Variants in NFRKB observed in about 807,000 individuals in gnomAD.
The protein encoded by NFRKB is nuclear factor related to kappaB binding protein, also known as nuclear factor related to kappa-B-binding protein.
Under a neutral mutation model 135.7 loss-of-function variants are expected in NFRKB, and 62 were observed. That is an observed-to-expected ratio of 0.46 (90% CI 0.37 to 0.56). NFRKB has a LOEUF of 0.56. Ranked by LOEUF, NFRKB falls within the 20% of genes least tolerant of loss-of-function variation. NFRKB has a pLI of 0.00. For synonymous variants in NFRKB, 678 were observed against 635.6 expected (o/e 1.07, Z -1.00); for missense variants, 1,545 against 1,662.0 (o/e 0.93, Z 1.22).
At chr11:129,884,663 C>G in intron 7 of NFRKB, 82 bp downstream of exon 7, 2 of 1,487,676 alleles carry the variant, frequency 1.3e-6, no homozygotes, top group East Asian at 2.3e-5. Flanking sequence ...AGGAATCTGC[C>G]CCCACCCACC....
rs373731575 is a variant in NFRKB at position 129,869,764 on chromosome 11, C to A, written c.3261G>T (p.Thr1087=). The stretch of plus-strand genomic sequence containing the variant: ...CTCCCAGTCCCTGCACGATGCGGAT[C>A]GTGGCAGCTGGTTTTGCTTCTGAAG... ...VASSEAKPAA[T]IRIVQGLGVM... is the part of the protein sequence containing the mutation. The change falls in exon 24 of 27, where the codon ACG becomes ACT. Residue 1087 remains threonine (T), a synonymous_variant. Transcript: ENST00000682444. 1 of 1,614,134 alleles carries A rather than the reference C, an allele frequency of 6.2e-7. No individual in the cohort carries two copies. The highest frequency in any genetic ancestry group is 8.5e-7 in the Non-Finnish European group (1 of 1,180,056).
chr11:129,869,384 T>G, intron 24 of NFRKB, 110 bp downstream of exon 24: 3 of 1,279,402 alleles, frequency 2.3e-6, no homozygotes, highest in Non-Finnish European at 3.2e-6. Context: ...TAATTTCCAC[T>G]CCTAAAAAGA....
chr11:129,865,112 A>G lies in NFRKB; in HGVS notation c.3639-11T>C. The G allele has an allele frequency of 6.2e-7, 1 of 1,605,752 alleles. No individual in the cohort carries two copies. The highest frequency in any genetic ancestry group is 8.5e-7 in the Non-Finnish European group (1 of 1,174,582). On this transcript the variant is annotated splice_polypyrimidine_tract_variant and intron_variant, in intron 25 of 26. Transcript: ENST00000682444. ...CCCAACCCACTGAGGCTGTGGAGGG[A>G]AAGCAGGGGTGAGATATAATGATAT...
intron 23 of NFRKB, 99 bp from the exon 24 acceptor site, chr11:129,870,360 ATTTTTT>A: frequency 3.1e-6 from 4 of 1,274,564 alleles, no homozygotes; most frequent in Non-Finnish European, 4.3e-6. Flanking sequence ...GATGTTTTGT[ATTTTTT>A]TTTTAACTTT....
rs1189069793 is a variant in NFRKB, at chr11:129,881,802, T to C, written c.1243A>G (p.Ser415Gly). ...WQSSPASSLN[S>G]WFSAAPNWAE... ...CAGTTGGGGGCCGCAGAGAACCAGC[T>C]GTTGAGGGAGCTGGCTGGCGATGAC... is the stretch of plus-strand genomic sequence containing the variant. The change falls in exon 12 of 27, where the codon AGC (serine) becomes GGC (glycine). Residue 415 changes from serine to glycine, a missense_variant. Ser to Gly is a moderately conservative substitution (Grantham distance 56, BLOSUM62 0). Transcript: ENST00000682444. 1 of 1,613,408 alleles carries C rather than the reference T, an allele frequency of 6.2e-7. No individual in the cohort carries two copies. The highest frequency in any genetic ancestry group is 2.2e-5 in the East Asian group (1 of 44,892).
In NFRKB at chr11:129,869,847, A is replaced by T; in HGVS notation, c.3178T>A (p.Leu1060Met). Residue 1060 changes from leucine (L) to methionine (M), a missense_variant, in exon 24 of 27, where the codon TTG becomes ATG. Coordinates refer to ENST00000682444, the MANE Select transcript of NFRKB (RefSeq NM_001143835.2). Reference sequence around the variant, plus strand: ...ACACTCACGCCAAGAGCTGGCATCAAGCGAAAAGCCGAACTTGAGGCTTCT... The same window carrying T: ...ACACTCACGCCAAGAGCTGGCATCATGCGAAAAGCCGAACTTGAGGCTTCT... ...PTEASSSAFR[L>M]MPALGVSVAD... 1 of 1,614,260 alleles carries T rather than the reference A, an allele frequency of 6.2e-7. No homozygotes were observed. The highest frequency in any genetic ancestry group is 8.5e-7 in the Non-Finnish European group (1 of 1,180,056).
chr11:129,887,315 A>G (rs1244879518), intron 4 of NFRKB, among the ~76,000 whole-genome samples: 2 of 152,218 alleles, frequency 1.3e-5, no homozygotes, highest in East Asian at 3.9e-4. Context: ...CCATGATCCC[A>G]AAGTATCATC....
chr11:129,879,555 T>G (rs1321083937), intron 13 of NFRKB, among the ~76,000 whole-genome samples: 1 of 152,180 alleles, frequency 6.6e-6, no homozygotes, highest in Non-Finnish European at 1.5e-5. Context: ...ACTGAATCTT[T>G]TAGGAACTAT....
chr11:129,870,266 A>G lies in NFRKB; in HGVS notation c.2764-5T>C. 6.2e-7 allele frequency: 1 copy of G among 1,610,924 alleles called. No homozygotes were observed. Among genetic ancestry groups the G allele is most frequent in the Non-Finnish European group, 8.5e-7 (1 of 1,177,520 alleles). ...AAGCTGCCCAGTGATTGCCACCTGA[A>G]TGGGGAGAAGCAGCACTGATGAGGG... is the stretch of plus-strand genomic sequence containing the variant. On this transcript the variant is annotated splice_region_variant and splice_polypyrimidine_tract_variant and intron_variant, in intron 23 of 26. Coordinates refer to ENST00000682444, the MANE Select transcript of NFRKB (RefSeq NM_001143835.2).
At position 129,869,580 on chromosome 11, in the gene NFRKB, C is replaced by T. The variant is rs1261511507; in HGVS notation, c.3445G>A (p.Ala1149Thr). 6.2e-7 allele frequency: 1 copy of T among 1,614,084 alleles called. No homozygotes were observed. Among genetic ancestry groups the T allele is most frequent in the East Asian group, 2.2e-5 (1 of 44,898 alleles). Reference sequence around the variant, plus strand: ...GTGCTGATGCTGATGGGGGTGCTTGCAGCCCCAGAAGCCACAGCTACAGTC... The same window carrying T: ...GTGCTGATGCTGATGGGGGTGCTTGTAGCCCCAGAAGCCACAGCTACAGTC... ...SKTVAVASGA[A>T]STPISISTGA... The change falls in exon 24 of 27, where the codon GCA (alanine) becomes ACA (threonine). Residue 1149 changes from alanine (A) to threonine (T), a missense_variant. Physicochemically the swap from Ala to Thr is moderately conservative, Grantham distance 58. Around this residue, in one of 3 missense-constraint regions of NFRKB, gnomAD observed 753 missense variants for 804.3 expected, o/e 0.94. Transcript: ENST00000682444.
At chr11:129,882,005 C>G (rs1949050685) in intron 11 of NFRKB, 81 bp downstream of exon 11, 1 of 1,456,512 alleles carries the variant, frequency 6.9e-7, no homozygotes, top group African/African-American at 1.4e-5. Flanking sequence ...ACTCAGAGTT[C>G]CACTTCTCAA....
Position 129,873,766 on chromosome 11 carries a change from T to C in NFRKB, c.2529A>G (p.Thr843=). 1 of 1,614,076 alleles carries C rather than the reference T, an allele frequency of 6.2e-7. No homozygotes were observed. The highest frequency in any genetic ancestry group is 8.5e-7 in the Non-Finnish European group (1 of 1,179,954). The change falls in exon 22 of 27, where the codon ACA becomes ACG. Residue 843 remains threonine, a synonymous_variant. Transcript: ENST00000682444. ...TTACCTGGGGCACTACTTTGGTCTGTGTGGCAGTGGCTGGAACCCGGATCT... is the reference window on the plus strand; with the variant it reads ...TTACCTGGGGCACTACTTTGGTCTGCGTGGCAGTGGCTGGAACCCGGATCT... The part of the protein sequence containing the change: ...GPQIRVPATA[T]QTKVVPQTVM...
At position 129,877,305 on chromosome 11, in the gene NFRKB, A is replaced by C; in HGVS notation, c.1572+20T>G. 6.2e-7 allele frequency: 1 copy of C among 1,613,490 alleles called. No homozygotes were observed. Among genetic ancestry groups the C allele is most frequent in the Non-Finnish European group, 8.5e-7 (1 of 1,179,430 alleles). On this transcript the variant is annotated intron_variant, in intron 16 of 26. Transcript: ENST00000682444. ...ATGGCTCACAGAGGCAGAGACTTAC[A>C]CTGGCTTTTAGGTTCTTACCTGCTC...
At chr11:129,869,450 G>A in intron 24 of NFRKB, 44 bp downstream of exon 24, 2 of 1,529,716 alleles carry the variant, frequency 1.3e-6, no homozygotes, top group Non-Finnish European at 8.7e-7. Context: ...CCTTGATTAA[G>A]TTTTCTAAAA....
chr11:129,867,266 AGT>A (rs1948239805), intron 24 of NFRKB, among the ~76,000 whole-genome samples: 1 of 150,732 alleles, frequency 6.6e-6, no homozygotes, highest in Admixed American at 6.6e-5. Context: ...GGATCAAGTG[AGT>A]GCAGTTTCCC....
rs1007048925 is a variant in NFRKB, at chr11:129,876,954, C to T, written c.1573-59G>A. On this transcript the variant is annotated intron_variant, in intron 16 of 26. Coordinates refer to ENST00000682444, the MANE Select transcript of NFRKB (RefSeq NM_001143835.2). ...AGAATTAGTGGGGTTCTCTCTCGGG[C>T]TTCCTTACAATATAAGCAGATCCAC... is the stretch of plus-strand genomic sequence containing the variant. The T allele has an allele frequency of 8.0e-6, 12 of 1,502,192 alleles. No individual in the cohort carries two copies. In the Admixed American group the frequency reaches 2.0e-4, roughly 25 times the overall value. 93.1% of individuals were successfully genotyped at this position (1,502,192 alleles called of 1,614,324 possible). A position where few individuals can be genotyped will look rare whatever the true frequency, so the allele number is the denominator to read the frequency against.
chr11:129,881,306 C>A (rs1279222581), intron 13 of NFRKB, 137 bp downstream of exon 13: 1 of 831,376 alleles, frequency 1.2e-6, no homozygotes, highest in Non-Finnish European at 1.9e-6. Context: ...TGAAGGACTC[C>A]TTCACAGAGC....
At position 129,878,374 on chromosome 11, in the gene NFRKB, T is replaced by C. The variant is rs770917275; in HGVS notation, c.1465-19A>G. The C allele has an allele frequency of 4.3e-6, 7 of 1,614,036 alleles. No homozygotes were observed. Among genetic ancestry groups the C allele is most frequent in the Admixed American group, 3.3e-5 (2 of 60,010 alleles). On this transcript the variant is annotated intron_variant, in intron 14 of 26. Coordinates refer to ENST00000682444, the MANE Select transcript of NFRKB (RefSeq NM_001143835.2). ...TTTCTTGCTGGAGAAAAAGAAAACG[T>C]TGACAGGTAAATGGACTAAAGAATT...
chr11:129,888,553 A>T, intron 4 of NFRKB, 41 bp downstream of exon 4: 1 of 1,573,012 alleles, frequency 6.4e-7, no homozygotes, highest in South Asian at 1.1e-5. Context: ...ACGTGTGCCC[A>T]TCCACCACCC....
Sources: allele counts gnomAD v4.1 joint callset (sites outside exome capture counted in the v4.1 genomes callset), GRCh38; gene constraint gnomAD v4.1.1; regional missense constraint gnomAD v4.1.1; transcripts MANE v1.5; gene names NCBI Gene and HGNC (gene_info 2026-07-23, HGNC 2026-07-21).